The following LRP5 variants were observed in gnomAD, a reference collection of about 807,000 sequenced individuals.
The protein encoded by LRP5 is LDL receptor related protein 5, also known as low-density lipoprotein receptor-related protein 5.
Under a neutral mutation model 154.1 loss-of-function variants are expected in LRP5, and 62 were observed. The observed-to-expected ratio is 0.40, with a 90% CI of 0.33 to 0.50. The LOEUF (loss-of-function observed/expected upper bound fraction) is 0.50. Among genes scored for constraint, LRP5 ranks in the 20% least tolerant of loss-of-function variants. The pLI is 0.55. For missense variants in LRP5, 1,915 were observed against 2,336.7 expected, an observed-to-expected ratio of 0.82 and a Z score of 3.72; for synonymous variants, 966 against 1,011.5, an observed-to-expected ratio of 0.96 and a Z score of 0.85.
intron 8 of LRP5, among the ~76,000 whole-genome samples, chr11:68,404,987 A>G (rs1255125466): frequency 6.6e-6 from 1 of 151,084 alleles, no homozygotes; most frequent in Non-Finnish European, 1.5e-5. Context: ...AAAAAAAAAA[A>G]AAAAAGTCCA....
At chr11:68,415,734 GA>G (rs2098662187) in intron 12 of LRP5, among the ~76,000 whole-genome samples, 1 of 41,760 alleles carries the variant, frequency 2.4e-5, no homozygotes, top group Admixed American at 3.3e-4. Context: ...CAACAAGAGC[GA>G]AACTCCATCT....
intron 5 of LRP5, among the ~76,000 whole-genome samples, chr11:68,371,398 G>A (rs1422155709): frequency 1.3e-5 from 2 of 152,230 alleles, no homozygotes; most frequent in Non-Finnish European, 2.9e-5. Flanking sequence ...TGTGAGCGGG[G>A]CCAGAATGGG....
intron 17 of LRP5, among the ~76,000 whole-genome samples, chr11:68,431,774 G>A (rs903039775): frequency 6.6e-6 from 1 of 152,172 alleles, no homozygotes. Context: ...ACTGATGCCC[G>A]AACTGCCCTG....
chr11:68,357,576 T>C, intron 2 of LRP5, 74 bp from the exon 3 acceptor site: 1 of 1,358,190 alleles, frequency 7.4e-7, no homozygotes, highest in Non-Finnish European at 1.0e-6. Flanking sequence ...TGTTGTTTCA[T>C]GTCTGCATCT....
At chr11:68,358,555 C>G (rs897579517) in intron 3 of LRP5, among the ~76,000 whole-genome samples, 1 of 152,204 alleles carries the variant, frequency 6.6e-6, no homozygotes, top group Non-Finnish European at 1.5e-5. Context: ...CCACCCCCAC[C>G]CTGGCCCTAT....
chr11:68,426,574 G>T (rs527258227), intron 16 of LRP5, among the ~76,000 whole-genome samples: 1 of 151,714 alleles, frequency 6.6e-6, no homozygotes, highest in Non-Finnish European at 1.5e-5. Context: ...ACTACAGGTG[G>T]GCACCACCAC....
At chr11:68,350,918 G>A (rs955738257) in intron 2 of LRP5, among the ~76,000 whole-genome samples, 23 of 152,246 alleles carry the variant, frequency 1.5e-4, no homozygotes, top group African/African-American at 4.6e-4. Context: ...GCGTGTGCAC[G>A]CATATGCGTG....
At chr11:68,346,484 A>G (rs2098613045) in intron 1 of LRP5, among the ~76,000 whole-genome samples, 1 of 152,254 alleles carries the variant, frequency 6.6e-6, no homozygotes, top group African/African-American at 2.4e-5. Flanking sequence ...TTGTGTTCCC[A>G]GCTACCCTCA....
intron 4 of LRP5, among the ~76,000 whole-genome samples, chr11:68,365,118 T>G (rs758026850): frequency 1.3e-5 from 2 of 152,128 alleles, no homozygotes; most frequent in Non-Finnish European, 2.9e-5. Flanking sequence ...AGGAGCCCAT[T>G]GTCTCTGGGG....
At chr11:68,414,501 A>G (rs1447780845) in intron 12 of LRP5, among the ~76,000 whole-genome samples, 1 of 151,976 alleles carries the variant, frequency 6.6e-6, no homozygotes, top group Non-Finnish European at 1.5e-5. Context: ...CTGCTCCTGA[A>G]CCCTTGCCAG....
intron 8 of LRP5, 86 bp downstream of exon 8, chr11:68,403,785 T>A (rs1412050707): frequency 3.9e-5 from 60 of 1,542,500 alleles, no homozygotes; most frequent in Non-Finnish European, 5.2e-5. Flanking sequence ...GGCATAAGTG[T>A]TGAGCTCAGG....
chr11:68,433,931 G>A, intron 18 of LRP5, 93 bp downstream of exon 18: 1 of 1,250,654 alleles, frequency 8.0e-7, no homozygotes, highest in Non-Finnish European at 1.1e-6. Context: ...AGGAGTAGGG[G>A]CTCTGAAAAC....
intron 9 of LRP5, among the ~76,000 whole-genome samples, chr11:68,409,073 A>AAAATATATATATATATATATATATATAT (rs2098657548): frequency 2.3e-5 from 1 of 44,176 alleles, no homozygotes; most frequent in African/African-American, 1.3e-4. Context: ...AAAAAAAAAA[A>AAAATATATATATATATATATATATATAT]ATATATATAT....
At chr11:68,318,670 G>A (rs2098594910) in intron 1 of LRP5, among the ~76,000 whole-genome samples, 1 of 152,156 alleles carries the variant, frequency 6.6e-6, no homozygotes, top group African/African-American at 2.4e-5. Context: ...TTAAACTGAG[G>A]TGAAGGTTCA....
rs1281959115 is a variant in LRP5 at position 68,413,728 on chromosome 11, C to A, written c.2543C>A (p.Pro848Gln). The change falls in exon 12 of 23, where the codon CCG becomes CAG. Residue 848 changes from proline to glutamine, a missense_variant. This residue lies in a region of LRP5 where 1,094 missense variants were observed against 1,210.1 expected (regional missense o/e 0.90). Transcript: ENST00000294304. This position sits in a 1 kb window ranked among gnomAD's most constrained non-coding sequence, Gnocchi z 5.1. ...RVVIADDLPH[P>Q]FGLTQYSDYI... ...GTGATTGCCGACGATCTCCCGCACC[C>A]GTTCGGTCTGACGCAGTACAGCGAT... The A allele has an allele frequency of 6.2e-7, 1 of 1,613,526 alleles. No homozygotes were observed. Among genetic ancestry groups the A allele is most frequent in the African/African-American group, 1.3e-5 (1 of 74,922 alleles).
chr11:68,328,359 G>A (rs2153117342), intron 1 of LRP5, among the ~76,000 whole-genome samples: 1 of 152,382 alleles, frequency 6.6e-6, no homozygotes, highest in South Asian at 2.1e-4. Context: ...GAAAATAAAA[G>A]CTGGTACAAA....
At chr11:68,369,885 G>A (rs1242161626) in intron 5 of LRP5, among the ~76,000 whole-genome samples, 2 of 152,144 alleles carry the variant, frequency 1.3e-5, no homozygotes, top group Non-Finnish European at 2.9e-5. Flanking sequence ...CAGGGGTGAC[G>A]GAGCCGTGCT....
intron 5 of LRP5, among the ~76,000 whole-genome samples, chr11:68,379,308 T>G (rs796884777): frequency 2.6e-5 from 4 of 152,318 alleles, no homozygotes; most frequent in African/African-American, 9.6e-5. Flanking sequence ...TTCTTGGTCT[T>G]GAGTTTTGCT....
intron 1 of LRP5, among the ~76,000 whole-genome samples, chr11:68,326,301 C>T (rs1254358869): frequency 6.6e-6 from 1 of 152,228 alleles, no homozygotes; most frequent in Non-Finnish European, 1.5e-5. Context: ...GTCCCCGCCT[C>T]TCCTTTTCAG....
Sources: gnomAD v4.1 joint callset for allele counts (sites outside exome capture counted in the v4.1 genomes callset) on GRCh38, gnomAD v4.1.1 for gene constraint, gnomAD v4.1.1 regional missense constraint, Gnocchi (gnomAD v3.1) non-coding constraint, MANE v1.5 for transcripts, NCBI Gene and HGNC (gene_info 2026-07-23, HGNC 2026-07-21) for gene names.